Variants in LRRC38 observed in about 807,000 individuals in gnomAD.
LRRC38 encodes the protein leucine-rich repeat-containing protein 38.
LRRC38 carries 5 observed loss-of-function variants against 16.4 expected under a neutral mutation model. The observed-to-expected ratio is 0.31, with a 90% CI of 0.16 to 0.64. LRRC38 has a LOEUF of 0.64. LRRC38 is among the 30% of genes least tolerant of loss of function. LRRC38 has a pLI of 0.80. For synonymous variants in LRRC38, 191 were observed against 190.2 expected, an observed-to-expected ratio of 1.00 and a Z score of -0.04; for missense variants, 341 against 401.8, an observed-to-expected ratio of 0.85 and a Z score of 1.29.
chr1:13,504,708 G>A (rs1200721556), intron 1 of LRRC38, among the ~76,000 whole-genome samples: 1 of 128,936 alleles, frequency 7.8e-6, no homozygotes, highest in Non-Finnish European at 1.6e-5. Flanking sequence ...CGGTGACAGA[G>A]TGAGACTGTG....
chr1:13,479,854 C>G lies in LRRC38; in HGVS notation c.632-3755G>C, dbSNP rs1387706794. On this transcript the variant is annotated intron_variant, in intron 1 of 1. Coordinates refer to ENST00000376085, the MANE Select transcript of LRRC38 (RefSeq NM_001010847.2). ...AGCACAACTCTAGACTTGGCATAGG[C>G]AGACTCCAGGGTCCCCTCTTCTCTC... is the stretch of plus-strand genomic sequence containing the variant. 2.0e-5 allele frequency among the ~76,000 whole-genome samples: 3 copies of G among 152,226 alleles called. 1 individual carries two copies. The highest frequency in any genetic ancestry group is 4.4e-5 in the Non-Finnish European group (3 of 68,036).
chr1:13,507,558 G>A (rs746712539), intron 1 of LRRC38, among the ~76,000 whole-genome samples: 4 of 152,316 alleles, frequency 2.6e-5, no homozygotes, highest in South Asian at 2.1e-4. Context: ...GGGGCCAGGC[G>A]CAGTGGCTCA....
intron 1 of LRRC38, among the ~76,000 whole-genome samples, chr1:13,485,452 C>T (rs183192732): frequency 9.7e-4 from 148 of 151,886 alleles, no homozygotes; most frequent in African/African-American, 3.5e-3. Flanking sequence ...GCGACTGTCC[C>T]ATCTATTCGG....
At chr1:13,511,069 T>C (rs1273762921) in intron 1 of LRRC38, among the ~76,000 whole-genome samples, 1 of 152,150 alleles carries the variant, frequency 6.6e-6, no homozygotes, top group African/African-American at 2.4e-5. Flanking sequence ...CCAAACCCTG[T>C]TCCCAGGGCT....
chr1:13,504,608 A>C lies in LRRC38; in HGVS notation c.631+8355T>G, dbSNP rs201451938. ...TGGTAGTGTACACACCTGTAATCCCAGCTACTCAGGAGGCTGAGACATGAG... is the reference window on the plus strand; with the variant it reads ...TGGTAGTGTACACACCTGTAATCCCCGCTACTCAGGAGGCTGAGACATGAG... On this transcript the variant is annotated intron_variant, in intron 1 of 1. Transcript: ENST00000376085. 1.1e-3 allele frequency among the ~76,000 whole-genome samples: 164 copies of C among 151,564 alleles called. 2 individuals carry two copies. In the East Asian group the frequency reaches 0.025, roughly 24 times the overall value.
chr1:13,504,626 G>A (rs1639188062), intron 1 of LRRC38, among the ~76,000 whole-genome samples: 1 of 151,238 alleles, frequency 6.6e-6, no homozygotes. Flanking sequence ...AGGAGGCTGA[G>A]ACATGAGAAT....
chr1:13,504,869 GAGAA>G (rs1426620806), intron 1 of LRRC38, among the ~76,000 whole-genome samples: 1 of 151,722 alleles, frequency 6.6e-6, no homozygotes, highest in Non-Finnish European at 1.5e-5. Flanking sequence ...AAAAGAAAAA[GAGAA>G]AGAAAAGAGA....
intron 1 of LRRC38, among the ~76,000 whole-genome samples, chr1:13,488,759 C>T (rs572335065): frequency 3.9e-5 from 6 of 152,278 alleles, no homozygotes; most frequent in East Asian, 3.9e-4. Flanking sequence ...CATTGTATTA[C>T]GTGCTCACTG....
At chr1:13,498,932 G>A (rs1032347848) in intron 1 of LRRC38, among the ~76,000 whole-genome samples, 6 of 152,150 alleles carry the variant, frequency 3.9e-5, no homozygotes, top group Non-Finnish European at 5.9e-5. Flanking sequence ...GGTTTGCTGG[G>A]AATCTCTGGC....
intron 1 of LRRC38, among the ~76,000 whole-genome samples, chr1:13,490,451 G>A (rs1222407932): frequency 3.3e-5 from 5 of 152,098 alleles, no homozygotes; most frequent in East Asian, 1.9e-4. Flanking sequence ...GAGCCACTGC[G>A]CCCAGCCTTA....
chr1:13,505,232 C>T (rs908552439), intron 1 of LRRC38, among the ~76,000 whole-genome samples: 4 of 152,312 alleles, frequency 2.6e-5, no homozygotes, highest in African/African-American at 9.6e-5. Context: ...GGGCTCCTCT[C>T]CTCTTCCAGC....
At chr1:13,490,218 G>A (rs1380407386) in intron 1 of LRRC38, among the ~76,000 whole-genome samples, 4 of 152,158 alleles carry the variant, frequency 2.6e-5, no homozygotes, top group Admixed American at 6.5e-5. Flanking sequence ...GTACAGTGGC[G>A]TGACCGGCTG....
At position 13,513,113 on chromosome 1, in the gene LRRC38, CG is replaced by C; in HGVS notation, c.480del (p.Asn160LysfsTer161). ...TLESLQVLEL[N>X]DNNLRSLSVA... is the part of the protein sequence containing the mutation. ...ACGCTGAGGCTGCGCAGGTTGTTGT[CG>C]TTGAGCTCCAGCACCTGCAGCGACT... is the stretch of plus-strand genomic sequence containing the variant. On this transcript the variant is annotated frameshift_variant, in exon 1 of 2. Transcript: ENST00000376085. LOFTEE classifies it high-confidence loss of function. 6.5e-7 allele frequency: 1 copy of C among 1,550,284 alleles called. No homozygotes were observed. Among genetic ancestry groups the C allele is most frequent in the Non-Finnish European group, 8.7e-7 (1 of 1,146,844 alleles).
intron 1 of LRRC38, among the ~76,000 whole-genome samples, chr1:13,510,747 C>T (rs1340861436): frequency 6.6e-6 from 1 of 152,164 alleles, no homozygotes; most frequent in Non-Finnish European, 1.5e-5. Context: ...ATTTAAATCT[C>T]ACAGCAAGCA....
At chr1:13,501,516 C>A (rs1463728371) in intron 1 of LRRC38, among the ~76,000 whole-genome samples, 2 of 146,896 alleles carry the variant, frequency 1.4e-5, no homozygotes, top group Admixed American at 6.7e-5. Context: ...TCAAGCAATT[C>A]TCCTGCCTCA....
chr1:13,503,247 GTTTATTTATTTATTTTGTT>G (rs1169457570), intron 1 of LRRC38, among the ~76,000 whole-genome samples: 1 of 152,056 alleles, frequency 6.6e-6, no homozygotes, highest in Non-Finnish European at 1.5e-5. Context: ...ACTCTAAATT[GTTTATTTATTTATTTTGTT>G]TTTATTTATT....
At chr1:13,481,414 T>C (rs762834368) in intron 1 of LRRC38, among the ~76,000 whole-genome samples, 7 of 150,182 alleles carry the variant, frequency 4.7e-5, no homozygotes, top group African/African-American at 1.5e-4. Flanking sequence ...TTTTTTGAGA[T>C]GGAGTCTCGC....
intron 1 of LRRC38, among the ~76,000 whole-genome samples, chr1:13,502,889 G>C (rs1406080098): frequency 1.3e-5 from 2 of 152,206 alleles, no homozygotes; most frequent in Non-Finnish European, 2.9e-5. Context: ...TTCTGATGTA[G>C]ATGATCTAAA....
At chr1:13,501,596 TTTTG>T (rs146001643) in intron 1 of LRRC38, among the ~76,000 whole-genome samples, 7 of 117,316 alleles carry the variant, frequency 6.0e-5, no homozygotes, top group African/African-American at 1.8e-4. Context: ...GTTTTTTGTT[TTTTG>T]TTTGTTTGTT....
Sources: allele counts gnomAD v4.1 joint callset (sites outside exome capture counted in the v4.1 genomes callset), GRCh38; gene constraint gnomAD v4.1.1; transcripts MANE v1.5; gene names NCBI Gene and HGNC (gene_info 2026-07-23, HGNC 2026-07-21).